Variants in FER1L6 observed in about 807,000 individuals in gnomAD.
FER1L6 encodes fer-1-like protein 6.
A neutral mutation model predicts 219.2 loss-of-function variants in FER1L6; 177 were observed. That is an observed-to-expected ratio of 0.81 (90% confidence interval 0.71 to 0.91). FER1L6 has a LOEUF of 0.91. Ranked by LOEUF, FER1L6 falls within the 40% of genes least tolerant of loss-of-function variation. The probability of loss-of-function intolerance (pLI) is 0.00; values close to 1 mark genes in which losing one functional copy is unlikely to be tolerated. For missense variants in FER1L6, 2,153 were observed against 2,259.9 expected (o/e 0.95, Z 0.96); for synonymous variants, 768 against 824.3 (o/e 0.93, Z 1.17).
rs1175902052 is a variant in FER1L6, at chr8:124,094,945, T to C, written c.4602T>C (p.Ser1534=). The change falls in exon 35 of 41, where the codon TCT becomes TCC. Residue 1534 remains serine, a synonymous_variant. Coordinates refer to ENST00000522917, the MANE Select transcript of FER1L6 (RefSeq NM_001039112.2). The stretch of plus-strand genomic sequence containing the variant: ...ACCTGGCCCTCAAGGTTTTACACTC[T>C]TGGGAGGATATCCCGGAAGTCGGGT... The part of the protein sequence containing the change: ...YEHLALKVLH[S]WEDIPEVGCR... The C allele has an allele frequency of 6.2e-7, 1 of 1,614,152 alleles. No individual in the cohort carries two copies. The highest frequency in any genetic ancestry group is 8.5e-7 in the Non-Finnish European group (1 of 1,179,980).
intron 1 of FER1L6, among the ~76,000 whole-genome samples, chr8:123,876,806 C>T (rs1243020852): frequency 6.6e-6 from 1 of 152,162 alleles, no homozygotes; most frequent in East Asian, 1.9e-4. Flanking sequence ...ATATATGCTG[C>T]ATGAGGGCAG....
At chr8:124,087,947 C>T (rs1013612890) in intron 33 of FER1L6, among the ~76,000 whole-genome samples, 1 of 152,168 alleles carries the variant, frequency 6.6e-6, no homozygotes. Context: ...GTTTATCTTT[C>T]TGTGCTCAGC....
At chr8:124,062,078 G>A in intron 25 of FER1L6, 46 bp downstream of exon 25, 6 of 1,596,710 alleles carry the variant, frequency 3.8e-6, no homozygotes, top group Non-Finnish European at 5.1e-6. Flanking sequence ...ATAAAGTCAT[G>A]GTGCCTGCAG....
At chr8:124,097,417 T>TCATG in intron 36 of FER1L6, 58 bp downstream of exon 36, 3 of 1,244,800 alleles carry the variant, frequency 2.4e-6, no homozygotes, top group Non-Finnish European at 3.5e-6. Context: ...GATGAAAGAA[T>TCATG]CATGACATTT....
intron 32 of FER1L6, among the ~76,000 whole-genome samples, chr8:124,081,054 G>GAGTA (rs781381789): frequency 1.8e-4 from 28 of 152,130 alleles, no homozygotes; most frequent in Non-Finnish European, 8.8e-5. Flanking sequence ...CTTCACTGGG[G>GAGTA]AGTAAGTGTC....
chr8:123,927,107 T>TGG (rs1813592302), intron 1 of FER1L6, among the ~76,000 whole-genome samples: 1 of 149,770 alleles, frequency 6.7e-6, no homozygotes, highest in African/African-American at 2.5e-5. Flanking sequence ...GTAAGAACAC[T>TGG]GGAGCCCAGA....
In FER1L6 at chr8:123,852,801, C is replaced by T. The variant is rs541742500; in HGVS notation, c.-8+616C>T. ...AAATGCAGCATTACTATTAACTAAG[C>T]TCCACGCTTTATTTGGATTTCACAA... is the stretch of plus-strand genomic sequence containing the variant. On this transcript the variant is annotated intron_variant, in intron 1 of 40. Transcript: ENST00000522917. This position sits in a 1 kb window ranked among gnomAD's most constrained non-coding sequence, Gnocchi z 4.9. 6.6e-6 allele frequency among the ~76,000 whole-genome samples: 1 copy of T among 152,082 alleles called. No individual in the cohort carries two copies. The highest frequency in any genetic ancestry group is 1.5e-5 in the Non-Finnish European group (1 of 68,040).
intron 1 of FER1L6, among the ~76,000 whole-genome samples, chr8:123,868,114 C>T (rs775348846): frequency 9.0e-4 from 99 of 110,416 alleles, no homozygotes; most frequent in Non-Finnish European, 1.5e-3. Flanking sequence ...CTTCCTTCCC[C>T]GCTCCTTCTC....
chr8:123,956,097 G>T (rs1010807326), intron 2 of FER1L6, 23 bp downstream of exon 2: 9 of 1,596,490 alleles, frequency 5.6e-6, no homozygotes, highest in Non-Finnish European at 5.1e-6. Flanking sequence ...GTGGGGTGCT[G>T]ACCATTGGGG....
At chr8:124,062,200 T>C (rs6470216) in intron 25 of FER1L6, among the ~76,000 whole-genome samples, 168 bp downstream of exon 25, 127,771 of 152,168 alleles carry the variant, frequency 0.84, 53,746 homozygotes, top group Non-Finnish European at 0.86. Context: ...GGCTCCCACA[T>C]TCTTACTTTG....
intron 5 of FER1L6, among the ~76,000 whole-genome samples, chr8:123,969,111 T>C (rs1043953962): frequency 6.6e-6 from 1 of 152,176 alleles, no homozygotes; most frequent in African/African-American, 2.4e-5. Flanking sequence ...TGTGTGATAA[T>C]GTCAAGAGAA....
chr8:124,025,741 A>G (rs1209295996), intron 18 of FER1L6, among the ~76,000 whole-genome samples: 1 of 152,196 alleles, frequency 6.6e-6, no homozygotes, highest in Non-Finnish European at 1.5e-5. Flanking sequence ...TAGGAAGGGC[A>G]TTGAATCTGT....
At chr8:124,105,569 G>A (rs567116294) in intron 39 of FER1L6, among the ~76,000 whole-genome samples, 106 of 152,330 alleles carry the variant, frequency 7.0e-4, no homozygotes, top group Middle Eastern at 3.4e-3. Flanking sequence ...ACTCAGAGAG[G>A]AGGCTCTTTG....
intron 22 of FER1L6, among the ~76,000 whole-genome samples, chr8:124,050,332 A>C (rs932127439): frequency 6.6e-6 from 1 of 152,132 alleles, no homozygotes; most frequent in African/African-American, 2.4e-5. Context: ...AGTCCTTCCC[A>C]CTAAGACCAA....
chr8:124,090,864 A>T (rs1822000400), intron 33 of FER1L6, among the ~76,000 whole-genome samples: 1 of 152,182 alleles, frequency 6.6e-6, no homozygotes, highest in Non-Finnish European at 1.5e-5. Context: ...GGGAGAAGGG[A>T]GGGACGAAGC....
chr8:123,869,790 A>G (rs370652222), intron 1 of FER1L6, among the ~76,000 whole-genome samples: 10 of 152,384 alleles, frequency 6.6e-5, no homozygotes, highest in African/African-American at 1.9e-4. Flanking sequence ...TTCAAGACTT[A>G]ATATAAAGTG....
rs367724676 is a variant in FER1L6 at position 124,119,731 on chromosome 8, G to T, written c.5515G>T (p.Val1839Phe). 8 of 1,613,438 alleles carry T rather than the reference G, an allele frequency of 5.0e-6. No homozygotes were observed. The highest frequency in any genetic ancestry group is 6.8e-6 in the Non-Finnish European group (8 of 1,179,770). ...FILIILIIFLVLFIYTLPGAI... is the reference protein window; with the variant it reads ...FILIILIIFLFLFIYTLPGAI... ...TCTCATCATCCTCATCATCTTCCTC[G>T]TCCTTTTCATCTACACCTTGCCAGG... Residue 1839 changes from valine to phenylalanine, a missense_variant, in exon 41 of 41, where the codon GTC (valine) becomes TTC (phenylalanine). By Grantham distance (50) the Val-to-Phe change is conservative. Transcript: ENST00000522917.
intron 1 of FER1L6, among the ~76,000 whole-genome samples, chr8:123,932,096 G>A (rs35856179): frequency 0.39 from 59,372 of 151,836 alleles, 12,245 homozygotes; most frequent in South Asian, 0.52. Context: ...TTCCCCTACC[G>A]TATTTATTTT....
intron 1 of FER1L6, among the ~76,000 whole-genome samples, chr8:123,864,760 C>T (rs1469972810): frequency 2.0e-5 from 3 of 149,968 alleles, no homozygotes; most frequent in Admixed American, 6.6e-5. Flanking sequence ...CCCTTTCTTC[C>T]AGTTGATCGC....
Sources: allele counts gnomAD v4.1 joint callset (sites outside exome capture counted in the v4.1 genomes callset), GRCh38; gene constraint gnomAD v4.1.1; non-coding constraint Gnocchi (gnomAD v3.1); transcripts MANE v1.5; gene names NCBI Gene and HGNC (gene_info 2026-07-23, HGNC 2026-07-21).